The following SYNDIG1 variants were observed in gnomAD, a reference collection of about 807,000 sequenced individuals.
SYNDIG1 encodes the protein synapse differentiation inducing 1.
SYNDIG1 carries 9 observed loss-of-function variants against 19.4 expected under a neutral mutation model. The observed-to-expected ratio is 0.46, with a 90% CI of 0.28 to 0.81. SYNDIG1 has a LOEUF of 0.81. SYNDIG1 is among the 30% of genes least tolerant of loss of function. SYNDIG1 has a pLI of 0.12. For synonymous variants in SYNDIG1, 141 were observed against 145.9 expected (o/e 0.97, Z 0.24); for missense variants, 311 against 343.3 (o/e 0.91, Z 0.74).
Position 24,535,278 on chromosome 20 carries a change from G to A in SYNDIG1, c.-78-7742G>A, listed in dbSNP as rs80280206. On this transcript the variant is annotated intron_variant, in intron 1 of 3. Coordinates refer to ENST00000376862, the MANE Select transcript of SYNDIG1 (RefSeq NM_024893.3). ...ATAGGAGTAGCTCTTCATGTCAAAG[G>A]GAAGATGTGGGAAATTGCTTGATGA... Among the ~76,000 whole-genome samples, 495 of 152,322 alleles carry A rather than the reference G, an allele frequency of 3.2e-3. 17 individuals carry two copies. The East Asian group carries it at 0.078, about 24-fold the overall frequency.
intron 1 of SYNDIG1, among the ~76,000 whole-genome samples, chr20:24,517,625 A>T (rs1417242785): frequency 6.9e-6 from 1 of 145,050 alleles, no homozygotes; most frequent in East Asian, 2.0e-4. Flanking sequence ...TGTCAAAAAA[A>T]AAAAGTATAT....
chr20:24,550,664 A>G (rs2057688810), intron 2 of SYNDIG1, among the ~76,000 whole-genome samples: 2 of 151,916 alleles, frequency 1.3e-5, no homozygotes, highest in Admixed American at 1.3e-4. Context: ...GCCCGCCACC[A>G]TGCCCGGCTA....
chr20:24,484,017 T>C (rs2055881774), intron 1 of SYNDIG1, among the ~76,000 whole-genome samples: 1 of 152,094 alleles, frequency 6.6e-6, no homozygotes, highest in South Asian at 2.1e-4. Flanking sequence ...TCCGCGCACC[T>C]AGGAGGTGGA....
At chr20:24,646,387 A>G (rs1233189344) in intron 3 of SYNDIG1, among the ~76,000 whole-genome samples, 1 of 152,172 alleles carries the variant, frequency 6.6e-6, no homozygotes, top group Non-Finnish European at 1.5e-5. Context: ...GCCTGGTGGA[A>G]AGCCTTTGGG....
At chr20:24,633,655 G>C (rs370720629) in intron 3 of SYNDIG1, among the ~76,000 whole-genome samples, 1 of 152,150 alleles carries the variant, frequency 6.6e-6, no homozygotes. Context: ...ATCTGGGAAC[G>C]TTTTAGGATC....
intron 3 of SYNDIG1, among the ~76,000 whole-genome samples, chr20:24,623,324 T>TA (rs1355724750): frequency 6.6e-6 from 1 of 152,090 alleles, no homozygotes; most frequent in African/African-American, 2.4e-5. Flanking sequence ...AAGTCAAGGA[T>TA]AAAATAGAAA....
At chr20:24,646,196 AG>A (rs2059421141) in intron 3 of SYNDIG1, among the ~76,000 whole-genome samples, 1 of 152,200 alleles carries the variant, frequency 6.6e-6, no homozygotes, top group African/African-American at 2.4e-5. Flanking sequence ...TCCAATGCCT[AG>A]AGGACTGTGG....
chr20:24,524,243 T>C (rs1174751727), intron 1 of SYNDIG1, among the ~76,000 whole-genome samples: 1 of 152,254 alleles, frequency 6.6e-6, no homozygotes, highest in East Asian at 1.9e-4. Flanking sequence ...TCCTGTGTCC[T>C]CTTGGCCATC....
intron 3 of SYNDIG1, among the ~76,000 whole-genome samples, chr20:24,623,664 C>T (rs4815290): frequency 0.22 from 33,696 of 151,972 alleles, 4,366 homozygotes; most frequent in Admixed American, 0.37. Context: ...GTGAGGTACC[C>T]GCACGACACA....
At chr20:24,560,026 T>C (rs35504030) in intron 2 of SYNDIG1, among the ~76,000 whole-genome samples, 51,745 of 129,638 alleles carry the variant, frequency 0.4, 11,713 homozygotes, top group East Asian at 0.57. Flanking sequence ...ATTATTTCTT[T>C]GACTTTTTTT....
At chr20:24,510,260 T>C (rs1489112639) in intron 1 of SYNDIG1, among the ~76,000 whole-genome samples, 1 of 152,164 alleles carries the variant, frequency 6.6e-6, no homozygotes, top group East Asian at 1.9e-4. Flanking sequence ...CTTTTTTTCC[T>C]ATAGGAATTT....
intron 2 of SYNDIG1, among the ~76,000 whole-genome samples, chr20:24,576,613 C>T (rs2058231786): frequency 6.6e-6 from 1 of 152,210 alleles, no homozygotes; most frequent in Non-Finnish European, 1.5e-5. Context: ...CATCTGAGCA[C>T]TTGGCGCTGA....
chr20:24,639,620 T>C (rs556494901), intron 3 of SYNDIG1, among the ~76,000 whole-genome samples: 72 of 152,332 alleles, frequency 4.7e-4, no homozygotes, highest in African/African-American at 1.7e-3. Flanking sequence ...AATGGCATCC[T>C]GCGGTATCAA....
At chr20:24,476,675 A>C (rs377313068) in intron 1 of SYNDIG1, among the ~76,000 whole-genome samples, 348 of 152,190 alleles carry the variant, frequency 2.3e-3, no homozygotes, top group African/African-American at 5.6e-3. Context: ...AACTAAAAAA[A>C]AAACAAACAA....
At chr20:24,653,139 G>A (rs2059489226) in intron 3 of SYNDIG1, among the ~76,000 whole-genome samples, 1 of 152,144 alleles carries the variant, frequency 6.6e-6, no homozygotes, top group Admixed American at 6.5e-5. Flanking sequence ...TTTAAGTTAT[G>A]GTAAAAGAAT....
chr20:24,574,598 C>T (rs1490554639), intron 2 of SYNDIG1, among the ~76,000 whole-genome samples: 4 of 152,212 alleles, frequency 2.6e-5, no homozygotes, highest in African/African-American at 9.6e-5. Context: ...AGAACTTAGC[C>T]TGATGGGTGA....
At chr20:24,657,586 A>G (rs1344855589) in intron 3 of SYNDIG1, among the ~76,000 whole-genome samples, 1 of 152,146 alleles carries the variant, frequency 6.6e-6, no homozygotes, top group African/African-American at 2.4e-5. Context: ...ATGGCTTAAA[A>G]TATAAGGGTT....
chr20:24,638,163 G>T (rs2059334882), intron 3 of SYNDIG1, among the ~76,000 whole-genome samples: 1 of 152,214 alleles, frequency 6.6e-6, no homozygotes, highest in South Asian at 2.1e-4. Flanking sequence ...GCTCAAAGCT[G>T]CACTGTCAAC....
At chr20:24,556,320 T>G (rs1036686843) in intron 2 of SYNDIG1, among the ~76,000 whole-genome samples, 1 of 152,210 alleles carries the variant, frequency 6.6e-6, no homozygotes. Flanking sequence ...AAGTTGATAT[T>G]GTTTTGTGTG....
Sources: allele counts gnomAD v4.1 joint callset (sites outside exome capture counted in the v4.1 genomes callset), GRCh38; gene constraint gnomAD v4.1.1; transcripts MANE v1.5; gene names NCBI Gene and HGNC (gene_info 2026-07-23, HGNC 2026-07-21).